The following PCDHGB6 variants were observed in gnomAD, a reference collection of about 807,000 sequenced individuals.
The protein encoded by PCDHGB6 is protocadherin gamma subfamily B, 6.
In PCDHGB6, 51 loss-of-function variants were observed where a neutral mutation model predicts 59.1. The ratio of observed to expected loss-of-function variants is 0.86; its 90% CI spans 0.69 to 1.09. The LOEUF is 1.09. Among genes scored for constraint, PCDHGB6 ranks in the 50% least tolerant of loss-of-function variants. The pLI is 0.00. For missense variants in PCDHGB6, 1,148 were observed against 1,205.1 expected (o/e 0.95, Z 0.70); for synonymous variants, 466 against 495.1 (o/e 0.94, Z 0.78).
intron 1 of PCDHGB6, among the ~76,000 whole-genome samples, chr5:141,460,963 G>A (rs760674165): frequency 3.0e-4 from 27 of 89,804 alleles, no homozygotes; most frequent in Admixed American, 4.3e-4. Context: ...ATATATATAT[G>A]TGTGTGTGTG....
intron 1 of PCDHGB6, chr5:141,479,290 T>C (rs1045200175): frequency 1.3e-5 from 2 of 152,438 alleles, no homozygotes; most frequent in Non-Finnish European, 2.9e-5. Flanking sequence ...AAAATAAATC[T>C]AGGCAACCCA....
chr5:141,419,275 G>T (rs777238100), intron 1 of PCDHGB6: 35 of 1,613,856 alleles, frequency 2.2e-5, no homozygotes, highest in Non-Finnish European at 2.9e-5. Flanking sequence ...CCTCCATAGC[G>T]CAAGTCAGTG....
rs951185891 is a variant in PCDHGB6, at chr5:141,494,814, C to T, written c.2426C>T (p.Pro809Leu). 7 of 1,614,152 alleles carry T rather than the reference C, an allele frequency of 4.3e-6. No individual in the cohort carries two copies. The highest frequency in any genetic ancestry group is 1.7e-5 in the Admixed American group (1 of 60,024). Residue 809 changes from proline to leucine, a missense_variant, in exon 2 of 4, where the codon CCG becomes CTG. By Grantham distance (98) the Pro-to-Leu change is moderately conservative (BLOSUM62 -3). Transcript: ENST00000520790. The part of the protein sequence containing the change: ...SHPETLTSQA[P>L]PNTDWRFSQA... ...CCTCTGTTTTCTCCACAGCAAGCCCCGCCCAACACGGACTGGCGTTTCTCT... is the reference window on the plus strand; with the variant it reads ...CCTCTGTTTTCTCCACAGCAAGCCCTGCCCAACACGGACTGGCGTTTCTCT...
Position 141,476,104 on chromosome 5 carries a change from G to A in PCDHGB6, c.2419-18703G>A. 6.3e-7 allele frequency: 1 copy of A among 1,584,700 alleles called. No homozygotes were observed. Among genetic ancestry groups the A allele is most frequent in the Non-Finnish European group, 8.6e-7 (1 of 1,168,500 alleles). On this transcript the variant is annotated intron_variant, in intron 1 of 3. Coordinates refer to ENST00000520790, the MANE Select transcript of PCDHGB6 (RefSeq NM_018926.3). The surrounding 1 kb of genome is among the most constrained non-coding windows in gnomAD (Gnocchi z 7.6). ...GATCTGGACCCCGCTGAGAGGAACTGCTTTTGAGTGAGATGGTCCCAGAGG... is the reference window on the plus strand; with the variant it reads ...GATCTGGACCCCGCTGAGAGGAACTACTTTTGAGTGAGATGGTCCCAGAGG...
At chr5:141,422,480 G>A in intron 1 of PCDHGB6, 2 of 1,613,906 alleles carry the variant, frequency 1.2e-6, no homozygotes, top group South Asian at 2.2e-5. Flanking sequence ...TTGGTCCAGA[G>A]CTACAATATA....
At position 141,485,709 on chromosome 5, in the gene PCDHGB6, C is replaced by A. The variant is rs2099618118; in HGVS notation, c.2419-9098C>A. On this transcript the variant is annotated intron_variant, in intron 1 of 3. Transcript: ENST00000520790. This position sits in a 1 kb window ranked among gnomAD's most constrained non-coding sequence, Gnocchi z 5.7. ...AGGCTGAGCTCCAATGAACACTTTGCACTGGATGTGAAGAAGCGCAGCGAC... is the reference window on the plus strand; with the variant it reads ...AGGCTGAGCTCCAATGAACACTTTGAACTGGATGTGAAGAAGCGCAGCGAC... The A allele has an allele frequency of 1.2e-6, 2 of 1,614,128 alleles. No homozygotes were observed. The highest frequency in any genetic ancestry group is 1.7e-6 in the Non-Finnish European group (2 of 1,180,028).
Position 141,481,556 on chromosome 5 carries a change from G to A in PCDHGB6, c.2419-13251G>A, listed in dbSNP as rs553126587. Among the ~76,000 whole-genome samples the A allele has an allele frequency of 1.2e-4, 18 of 152,266 alleles. No homozygotes were observed. The South Asian group carries it at 1.4e-3, about 12-fold the overall frequency. On this transcript the variant is annotated intron_variant, in intron 1 of 3. Coordinates refer to ENST00000520790, the MANE Select transcript of PCDHGB6 (RefSeq NM_018926.3). ...GATGGGGCTGGGCTCAGTGGCTCAC[G>A]CCTGTAATCCCAGTACTTAGGGAGG...
In PCDHGB6 at chr5:141,432,716, C is replaced by G. The variant is rs1417017747; in HGVS notation, c.2418+22096C>G. ...GGCCGTCCAGGACCACGGCCAGCCC[C>G]CTCTCTCCGCCACTGTCACGCTCAC... On this transcript the variant is annotated intron_variant, in intron 1 of 3. Coordinates refer to ENST00000520790, the MANE Select transcript of PCDHGB6 (RefSeq NM_018926.3). This position sits in a 1 kb window ranked among gnomAD's most constrained non-coding sequence, Gnocchi z 6.0. 5.6e-6 allele frequency: 9 copies of G among 1,613,912 alleles called. No individual in the cohort carries two copies. Among genetic ancestry groups the G allele is most frequent in the Non-Finnish European group, 7.6e-6 (9 of 1,179,990 alleles).
intron 1 of PCDHGB6, among the ~76,000 whole-genome samples, chr5:141,437,426 C>T (rs531265278): frequency 6.6e-6 from 1 of 152,268 alleles, no homozygotes; most frequent in South Asian, 2.1e-4. Flanking sequence ...CTTTTTGAAG[C>T]AGCAATAGCA....
Position 141,408,379 on chromosome 5 carries a change from G to C in PCDHGB6, c.177G>C (p.Leu59=). 1 of 1,614,032 alleles carries C rather than the reference G, an allele frequency of 6.2e-7. No homozygotes were observed. Among genetic ancestry groups the C allele is most frequent in the South Asian group, 1.1e-5 (1 of 91,084 alleles). ...CTAAGGATCTAGGGCTCAGTGTCCT[G>C]GATGTGTCGGCTCGCAAGCTGCGAG... The part of the protein sequence containing the change: ...NLAKDLGLSV[L]DVSARKLRVS... Residue 59 remains leucine, a synonymous_variant, in exon 1 of 4, where the codon CTG becomes CTC. Coordinates refer to ENST00000520790, the MANE Select transcript of PCDHGB6 (RefSeq NM_018926.3).
intron 1 of PCDHGB6, among the ~76,000 whole-genome samples, chr5:141,474,420 T>C (rs1260451051): frequency 2.0e-5 from 3 of 152,226 alleles, no homozygotes; most frequent in Admixed American, 2.0e-4. Flanking sequence ...GCCTAGACCA[T>C]TGGTCCTCAC....
In PCDHGB6 at chr5:141,472,816, G is replaced by A. The variant is rs1186234004; in HGVS notation, c.2419-21991G>A. On this transcript the variant is annotated intron_variant, in intron 1 of 3. Transcript: ENST00000520790. ...GCCTGACCAACATGGAGAAACCCCC[G>A]TCTCTACTAAAAATAGAAAATTAGC... 4.6e-5 allele frequency among the ~76,000 whole-genome samples: 7 copies of A among 151,374 alleles called. No individual in the cohort carries two copies. In the South Asian group the frequency reaches 6.2e-4, roughly 14 times the overall value.
intron 1 of PCDHGB6, among the ~76,000 whole-genome samples, chr5:141,481,065 A>AAAAG (rs1476331686): frequency 6.6e-6 from 1 of 152,164 alleles, no homozygotes; most frequent in African/African-American, 2.4e-5. Context: ...CTCAAAAACA[A>AAAAG]AAAGAAAGAA....
chr5:141,422,961 G>A, intron 1 of PCDHGB6: 1 of 1,614,234 alleles, frequency 6.2e-7, no homozygotes, highest in Non-Finnish European at 8.5e-7. Flanking sequence ...GCGTGGAGCT[G>A]GCGCCCCGCT....
chr5:141,440,980 C>T (rs972732898), intron 1 of PCDHGB6: 1 of 152,242 alleles, frequency 6.6e-6, no homozygotes. Context: ...GCTTCACAAC[C>T]CAGAGTACCC....
In PCDHGB6 at chr5:141,491,129, C is replaced by T; in HGVS notation, c.2419-3678C>T. On this transcript the variant is annotated intron_variant, in intron 1 of 3. Transcript: ENST00000520790. This position sits in a 1 kb window ranked among gnomAD's most constrained non-coding sequence, Gnocchi z 6.9. Reference sequence around the variant, plus strand: ...TCTACACACACTGGTGAGGTGCGCACAGCCCGGGCCTTACTGGAGGATGAC... The same window carrying T: ...TCTACACACACTGGTGAGGTGCGCATAGCCCGGGCCTTACTGGAGGATGAC... 1.2e-6 allele frequency: 2 copies of T among 1,614,172 alleles called. No individual in the cohort carries two copies. The highest frequency in any genetic ancestry group is 1.7e-6 in the Non-Finnish European group (2 of 1,180,012).
chr5:141,478,445 G>C (rs773567457), intron 1 of PCDHGB6: 1 of 1,613,570 alleles, frequency 6.2e-7, no homozygotes, highest in Non-Finnish European at 8.5e-7. Flanking sequence ...GAAGAAACCT[G>C]GTGCAGCCAG....
chr5:141,428,114 C>T (rs2097111703), intron 1 of PCDHGB6: 1 of 1,607,084 alleles, frequency 6.2e-7, no homozygotes, highest in Admixed American at 1.7e-5. Context: ...TGCAGGCCAT[C>T]GAGCCCGGGC....
rs1310725827 is a variant in PCDHGB6, at chr5:141,500,934, T to C, written c.2478-4459T>C. The stretch of plus-strand genomic sequence containing the variant: ...TCCAGGCTGGGGTGCAGTGGCGCCA[T>C]CTCGGCTCACTGCAAGCTCCACCTC... On this transcript the variant is annotated intron_variant, in intron 2 of 3. Transcript: ENST00000520790. 5.9e-5 allele frequency among the ~76,000 whole-genome samples: 9 copies of C among 151,906 alleles called. 1 individual carries two copies. Among genetic ancestry groups the C allele is most frequent in the Non-Finnish European group, 1.3e-4 (9 of 68,020 alleles).
Sources: allele counts gnomAD v4.1 joint callset (sites outside exome capture counted in the v4.1 genomes callset), GRCh38; gene constraint gnomAD v4.1.1; non-coding constraint Gnocchi (gnomAD v3.1); transcripts MANE v1.5; gene names NCBI Gene and HGNC (gene_info 2026-07-23, HGNC 2026-07-21).